The following LRRC4C variants were observed in gnomAD, a reference collection of about 807,000 sequenced individuals.
LRRC4C encodes leucine rich repeat containing 4C, also known as leucine-rich repeat-containing protein 4C.
A neutral mutation model predicts 33.6 loss-of-function variants in LRRC4C; 5 were observed. The observed-to-expected ratio is 0.15, with a 90% CI of 0.08 to 0.31. The LOEUF (loss-of-function observed/expected upper bound fraction) is 0.31, where lower values mean the gene tolerates loss of function less well. LRRC4C is among the 10% of genes least tolerant of loss of function. LRRC4C has a pLI of 1.00. For synonymous variants in LRRC4C, 329 were observed against 302.0 expected, an observed-to-expected ratio of 1.09 and a Z score of -0.93; for missense variants, 560 against 796.7, an observed-to-expected ratio of 0.70 and a Z score of 3.58.
At chr11:40,924,659 A>G (rs1269671374) in intron 2 of LRRC4C, among the ~76,000 whole-genome samples, 5 of 152,192 alleles carry the variant, frequency 3.3e-5, no homozygotes, top group Admixed American at 6.5e-5. Flanking sequence ...GGTTCACAGC[A>G]CAAAGAAATG....
intron 1 of LRRC4C, among the ~76,000 whole-genome samples, chr11:41,232,566 C>T (rs553882950): frequency 3.7e-4 from 56 of 151,862 alleles, no homozygotes; most frequent in Non-Finnish European, 7.2e-4. Flanking sequence ...TATTAGTTGG[C>T]TAAATGACTA....
chr11:41,297,870 A>G (rs1950185528), intron 1 of LRRC4C, among the ~76,000 whole-genome samples: 1 of 152,162 alleles, frequency 6.6e-6, no homozygotes, highest in Admixed American at 6.5e-5. Context: ...CAGATGATTG[A>G]CAGGACCCCC....
intron 3 of LRRC4C, among the ~76,000 whole-genome samples, chr11:40,358,677 T>A (rs1450666721): frequency 6.6e-6 from 1 of 152,160 alleles, no homozygotes; most frequent in Non-Finnish European, 1.5e-5. Context: ...TTTGTGTGCT[T>A]TTCATTGAAA....
At chr11:40,258,674 G>A (rs1242444089) in intron 4 of LRRC4C, among the ~76,000 whole-genome samples, 1 of 152,142 alleles carries the variant, frequency 6.6e-6, no homozygotes, top group Non-Finnish European at 1.5e-5. Flanking sequence ...CTTTTATTAA[G>A]CCTATAATTA....
chr11:41,193,355 C>A (rs1378204805), intron 1 of LRRC4C, among the ~76,000 whole-genome samples: 1 of 152,022 alleles, frequency 6.6e-6, no homozygotes, highest in African/African-American at 2.4e-5. Context: ...TTGTAAAGAC[C>A]TTTAAAGCTC....
intron 1 of LRRC4C, among the ~76,000 whole-genome samples, chr11:41,341,994 A>T (rs1250436432): frequency 6.6e-6 from 1 of 151,478 alleles, no homozygotes; most frequent in Non-Finnish European, 1.5e-5. Context: ...ATAGAGAGTC[A>T]TCTTGACCTA....
At position 40,889,789 on chromosome 11, in the gene LRRC4C, G is replaced by T. The variant is rs542736871; in HGVS notation, c.-407+43846C>A. On this transcript the variant is annotated intron_variant, in intron 2 of 6. Transcript: ENST00000528697. ...GTTTAAACTTAGATAAGTTACCCAA[G>T]TTCTCTGAATCCCAGAAAACTCGCT... Among the ~76,000 whole-genome samples the T allele has an allele frequency of 1.1e-3, 161 of 152,096 alleles. 3 individuals carry two copies. In the South Asian group the frequency reaches 0.033, roughly 31 times the overall value.
intron 1 of LRRC4C, among the ~76,000 whole-genome samples, chr11:41,344,789 T>C (rs1951751552): frequency 6.6e-6 from 1 of 152,198 alleles, no homozygotes; most frequent in African/African-American, 2.4e-5. Context: ...GTTCAATAAA[T>C]ACTGGCTATT....
chr11:40,985,944 TA>T (rs1852959548), intron 1 of LRRC4C, among the ~76,000 whole-genome samples: 1 of 151,956 alleles, frequency 6.6e-6, no homozygotes, highest in Admixed American at 6.6e-5. Flanking sequence ...TCAAGGTATT[TA>T]AAAATCAACT....
chr11:40,982,207 C>G (rs1852594234), intron 1 of LRRC4C, among the ~76,000 whole-genome samples: 1 of 152,092 alleles, frequency 6.6e-6, no homozygotes, highest in Non-Finnish European at 1.5e-5. Context: ...GAATAGGGTA[C>G]CCTAAACAGT....
chr11:40,679,077 G>T (rs1490758652), intron 2 of LRRC4C, among the ~76,000 whole-genome samples: 2 of 152,154 alleles, frequency 1.3e-5, no homozygotes, highest in Non-Finnish European at 2.9e-5. Context: ...ATGGAGATGA[G>T]GAACTTGTTG....
At chr11:40,888,951 G>C (rs543700856) in intron 2 of LRRC4C, among the ~76,000 whole-genome samples, 1 of 152,016 alleles carries the variant, frequency 6.6e-6, no homozygotes, top group South Asian at 2.1e-4. Flanking sequence ...TTAAGGCAAT[G>C]AGCCATTATT....
At chr11:40,711,610 G>A (rs2136593839) in intron 2 of LRRC4C, among the ~76,000 whole-genome samples, 1 of 151,534 alleles carries the variant, frequency 6.6e-6, no homozygotes, top group East Asian at 2.0e-4. Flanking sequence ...TGAATAGTTT[G>A]ATAAACATTA....
intron 2 of LRRC4C, among the ~76,000 whole-genome samples, chr11:40,769,449 T>A (rs1272963308): frequency 6.6e-6 from 1 of 152,058 alleles, no homozygotes; most frequent in Admixed American, 6.5e-5. Flanking sequence ...AAAACACCAA[T>A]GAAATTCTTC....
chr11:40,147,361 T>C (rs577263996), intron 5 of LRRC4C, among the ~76,000 whole-genome samples: 19 of 152,268 alleles, frequency 1.2e-4, no homozygotes, highest in African/African-American at 4.3e-4. Context: ...ACAGGATCCC[T>C]GTCCTGCTGC....
chr11:40,154,736 G>C (rs1858535666), intron 5 of LRRC4C, among the ~76,000 whole-genome samples: 1 of 152,120 alleles, frequency 6.6e-6, no homozygotes, highest in South Asian at 2.1e-4. Flanking sequence ...AAATGAGATA[G>C]ACAGCAACAC....
intron 3 of LRRC4C, among the ~76,000 whole-genome samples, chr11:40,526,435 A>G (rs1458014525): frequency 6.6e-6 from 1 of 152,124 alleles, no homozygotes; most frequent in Non-Finnish European, 1.5e-5. Context: ...GACAGCTACT[A>G]CATAAAAGAG....
intron 3 of LRRC4C, among the ~76,000 whole-genome samples, chr11:40,436,275 C>G (rs1371128950): frequency 6.6e-6 from 1 of 152,088 alleles, no homozygotes; most frequent in African/African-American, 2.4e-5. Flanking sequence ...CTTTGGGAAG[C>G]CCCAGAGAGG....
intron 2 of LRRC4C, among the ~76,000 whole-genome samples, chr11:40,793,986 A>G (rs1565069602): frequency 6.6e-6 from 1 of 152,252 alleles, no homozygotes; most frequent in Non-Finnish European, 1.5e-5. Flanking sequence ...TAAACTCACT[A>G]GACTTCATAT....
Sources: allele counts gnomAD v4.1 joint callset (sites outside exome capture counted in the v4.1 genomes callset), GRCh38; gene constraint gnomAD v4.1.1; transcripts MANE v1.5; gene names NCBI Gene and HGNC (gene_info 2026-07-23, HGNC 2026-07-21).